RNGTT: variants seen among roughly 807,000 people sequenced by gnomAD.
RNGTT encodes RNA guanylyltransferase and 5'-phosphatase, also known as mRNA-capping enzyme.
A neutral mutation model predicts 79.3 loss-of-function variants in RNGTT; 33 were observed. The observed-to-expected ratio is 0.42, with a 90% CI of 0.32 to 0.56. The LOEUF is 0.56. Among genes scored for constraint, RNGTT ranks in the 20% least tolerant of loss-of-function variants. The pLI is 0.17. For missense variants in RNGTT, 497 were observed against 739.1 expected, an observed-to-expected ratio of 0.67 and a Z score of 3.80; for synonymous variants, 222 against 235.9, an observed-to-expected ratio of 0.94 and a Z score of 0.54.
intron 14 of RNGTT, among the ~76,000 whole-genome samples, chr6:88,637,518 T>C (rs1773142290): frequency 6.6e-6 from 1 of 152,086 alleles, no homozygotes; most frequent in African/African-American, 2.4e-5. Context: ...GTGTCACAGA[T>C]GTAACTCCTG....
intron 12 of RNGTT, 73 bp downstream of exon 12, chr6:88,801,491 T>G: frequency 8.6e-7 from 1 of 1,158,570 alleles, no homozygotes. Flanking sequence ...TGTATGTGTA[T>G]GTATATGTAT....
intron 13 of RNGTT, among the ~76,000 whole-genome samples, chr6:88,681,829 A>G (rs1349154178): frequency 2.0e-5 from 3 of 152,208 alleles, no homozygotes; most frequent in Admixed American, 2.0e-4. Context: ...TAACAACTGT[A>G]AGATATTTGC....
chr6:88,889,973 T>G (rs762715899), intron 8 of RNGTT, among the ~76,000 whole-genome samples: 1 of 152,180 alleles, frequency 6.6e-6, no homozygotes, highest in Admixed American at 6.5e-5. Flanking sequence ...AGCAAGATCC[T>G]GTCTCAAATT....
At chr6:88,698,656 C>A (rs947688750) in intron 13 of RNGTT, among the ~76,000 whole-genome samples, 2 of 151,850 alleles carry the variant, frequency 1.3e-5, no homozygotes, top group Non-Finnish European at 2.9e-5. Flanking sequence ...ATAATATATA[C>A]TAAAACTATT....
At chr6:88,677,203 T>C (rs1402709954) in intron 14 of RNGTT, among the ~76,000 whole-genome samples, 3 of 151,506 alleles carry the variant, frequency 2.0e-5, no homozygotes, top group Non-Finnish European at 4.4e-5. Flanking sequence ...ATACACTATA[T>C]GATTTCACTT....
At chr6:88,660,872 T>C (rs779219057) in intron 14 of RNGTT, among the ~76,000 whole-genome samples, 14 of 152,224 alleles carry the variant, frequency 9.2e-5, no homozygotes, top group Admixed American at 3.3e-4. Flanking sequence ...TACATTCTTT[T>C]CATCAGCACA....
intron 14 of RNGTT, among the ~76,000 whole-genome samples, chr6:88,630,810 T>G (rs1772843247): frequency 6.6e-6 from 1 of 152,114 alleles, no homozygotes; most frequent in African/African-American, 2.4e-5. Flanking sequence ...TAGTAACTTG[T>G]TTTTTTGCTT....
intron 14 of RNGTT, among the ~76,000 whole-genome samples, chr6:88,615,901 C>A (rs1178275694): frequency 4.6e-5 from 7 of 152,158 alleles, no homozygotes; most frequent in African/African-American, 1.7e-4. Context: ...TCCATCTTAA[C>A]CATTTTTAAG....
intron 12 of RNGTT, among the ~76,000 whole-genome samples, chr6:88,790,316 G>A (rs534805962): frequency 1.3e-5 from 2 of 152,154 alleles, no homozygotes; most frequent in African/African-American, 4.8e-5. Context: ...GGAGACCAGG[G>A]AAAGTCTATA....
intron 13 of RNGTT, among the ~76,000 whole-genome samples, chr6:88,696,778 T>C (rs1157931643): frequency 2.0e-5 from 3 of 152,136 alleles, no homozygotes; most frequent in Non-Finnish European, 2.9e-5. Flanking sequence ...AGTAAGAAAA[T>C]TGACTATGGA....
intron 1 of RNGTT, among the ~76,000 whole-genome samples, chr6:88,957,596 T>A (rs900752081): frequency 2.0e-5 from 3 of 152,012 alleles, no homozygotes; most frequent in East Asian, 3.9e-4. Context: ...GAGAATCAAA[T>A]CAAGAACTCA....
At chr6:88,704,674 T>C (rs1776071504) in intron 13 of RNGTT, among the ~76,000 whole-genome samples, 2 of 152,180 alleles carry the variant, frequency 1.3e-5, no homozygotes, top group Admixed American at 1.3e-4. Flanking sequence ...TAATCAAATC[T>C]AAGTGATAAA....
At chr6:88,821,248 C>A (rs1304141323) in intron 11 of RNGTT, among the ~76,000 whole-genome samples, 1 of 151,710 alleles carries the variant, frequency 6.6e-6, no homozygotes, top group Non-Finnish European at 1.5e-5. Flanking sequence ...CCTTCACATG[C>A]AAAAAAATAA....
At chr6:88,657,565 A>G (rs1774026431) in intron 14 of RNGTT, among the ~76,000 whole-genome samples, 1 of 152,170 alleles carries the variant, frequency 6.6e-6, no homozygotes, top group South Asian at 2.1e-4. Context: ...GAAAATACAG[A>G]TATGAGCACA....
In RNGTT at chr6:88,678,548, A is replaced by G. The variant is rs1582318611; in HGVS notation, c.1440-129T>C. The G allele has an allele frequency of 7.2e-6, 3 of 416,274 alleles. No individual in the cohort carries two copies. In the East Asian group the frequency reaches 1.4e-4, roughly 20 times the overall value. 25.8% of individuals were successfully genotyped at this position (416,274 alleles called of 1,614,324 possible). ...AATATATTAGATGGATGCTGTGAGA[A>G]AAGTAATAACTGTGTAATTATTCTT... On this transcript the variant is annotated intron_variant, in intron 13 of 15. Coordinates refer to ENST00000369485, the MANE Select transcript of RNGTT (RefSeq NM_003800.5).
chr6:88,877,495 G>A (rs978547247), intron 8 of RNGTT, among the ~76,000 whole-genome samples: 7 of 152,092 alleles, frequency 4.6e-5, no homozygotes, highest in Non-Finnish European at 1.0e-4. Context: ...TTGAATCTCT[G>A]AATTTTTTTT....
chr6:88,932,720 T>C (rs930646910), intron 2 of RNGTT, among the ~76,000 whole-genome samples: 1 of 152,194 alleles, frequency 6.6e-6, no homozygotes, highest in Admixed American at 6.5e-5. Flanking sequence ...AAAACCATTA[T>C]TACTTCTGTT....
intron 4 of RNGTT, among the ~76,000 whole-genome samples, chr6:88,909,300 C>T (rs1362523065): frequency 6.6e-6 from 1 of 152,098 alleles, no homozygotes; most frequent in African/African-American, 2.4e-5. Flanking sequence ...CAGGGGAGTG[C>T]AAGTTGTGAG....
At chr6:88,943,816 C>T (rs760004222) in intron 1 of RNGTT, among the ~76,000 whole-genome samples, 1 of 152,168 alleles carries the variant, frequency 6.6e-6, no homozygotes, top group Non-Finnish European at 1.5e-5. Context: ...AATTAGTCCC[C>T]TGTAAATACC....
Sources: allele counts gnomAD v4.1 joint callset (sites outside exome capture counted in the v4.1 genomes callset), GRCh38; gene constraint gnomAD v4.1.1; transcripts MANE v1.5; gene names NCBI Gene and HGNC (gene_info 2026-07-23, HGNC 2026-07-21).